ZC4H2: variants seen among roughly 807,000 people sequenced by gnomAD.
The protein encoded by ZC4H2 is zinc finger C4H2-type containing, also known as zinc finger C4H2 domain-containing protein.
For missense variants in ZC4H2, 137 were observed against 173.9 expected (o/e 0.79, Z 1.19); for synonymous variants, 84 against 66.3 (o/e 1.27, Z -1.30).
chrX:64,928,596 T>C (rs1007593724), intron 1 of ZC4H2, among the ~76,000 whole-genome samples: 1 of 110,639 alleles, frequency 9.0e-6, no homozygotes, highest in Non-Finnish European at 1.9e-5. Flanking sequence ...TATCTTCTTT[T>C]GAGAATTTCC....
chrX:64,936,997 C>T (rs1179601327), intron 1 of ZC4H2, among the ~76,000 whole-genome samples: 1 of 110,675 alleles, frequency 9.0e-6, no homozygotes, highest in African/African-American at 3.3e-5. Flanking sequence ...AGTCAAGATC[C>T]ATCAGTGTGC....
chrX:64,998,218 G>C (rs1408784458), intron 1 of ZC4H2, among the ~76,000 whole-genome samples: 4 of 111,767 alleles, frequency 3.6e-5, no homozygotes, highest in Non-Finnish European at 5.6e-5. Flanking sequence ...AAAAGGCAGA[G>C]ATTGGCAGAA....
chrX:65,000,141 T>A (rs1442871693), intron 1 of ZC4H2, among the ~76,000 whole-genome samples: 1 of 112,236 alleles, frequency 8.9e-6, no homozygotes, highest in Admixed American at 9.3e-5. Flanking sequence ...GCATGCCTCC[T>A]GATTGGGAGA....
chrX:64,922,253 A>G (rs1440616387), intron 1 of ZC4H2: 2 of 323,038 alleles, frequency 6.2e-6, no homozygotes, highest in Non-Finnish European at 9.3e-6. Flanking sequence ...TCTACAAAAA[A>G]AAAAAAGAAA....
intron 1 of ZC4H2, among the ~76,000 whole-genome samples, chrX:64,964,273 G>T (rs149732495): frequency 1.8e-5 from 2 of 111,010 alleles, no homozygotes; most frequent in Non-Finnish European, 3.8e-5. Context: ...TGAAGACCAA[G>T]AAGAAAGAGG....
At chrX:64,945,662 C>T (rs1477925674) in intron 1 of ZC4H2, among the ~76,000 whole-genome samples, 3 of 111,652 alleles carry the variant, frequency 2.7e-5, no homozygotes, top group South Asian at 3.8e-4. Context: ...ACATTTAAGT[C>T]TGCTGAAGCT....
intron 1 of ZC4H2, among the ~76,000 whole-genome samples, chrX:65,004,116 C>A (rs1340559701): frequency 5.4e-5 from 6 of 110,708 alleles, no homozygotes; most frequent in Non-Finnish European, 1.1e-4. Context: ...ACCAAAAAAG[C>A]CCAGGATGGA....
At chrX:65,010,201 T>C (rs6418383) in intron 1 of ZC4H2, among the ~76,000 whole-genome samples, 9,221 of 112,122 alleles carry the variant, frequency 0.082, 1,028 homozygotes, top group African/African-American at 0.29. Flanking sequence ...TCTGGTTCTG[T>C]TGGTCTCCAC....
intron 1 of ZC4H2, among the ~76,000 whole-genome samples, chrX:64,951,208 G>T (rs1930808625): frequency 8.9e-6 from 1 of 112,329 alleles, no homozygotes; most frequent in Admixed American, 9.4e-5. Flanking sequence ...GTCTGTCATT[G>T]TTGGACATTT....
upstream of ZC4H2, among the ~76,000 whole-genome samples, chrX:64,980,694 G>C (rs905481744): frequency 9.1e-6 from 1 of 110,419 alleles, no homozygotes; most frequent in African/African-American, 3.3e-5. Context: ...GAGAAGTTAA[G>C]TAACTTGCCC....
intron 1 of ZC4H2, among the ~76,000 whole-genome samples, chrX:64,963,235 A>G (rs1461867794): frequency 8.9e-6 from 1 of 111,861 alleles, no homozygotes; most frequent in Non-Finnish European, 1.9e-5. Flanking sequence ...TCCACATGCA[A>G]ACGTATAACA....
chrX:65,000,182 A>G (rs1306795685), intron 1 of ZC4H2, among the ~76,000 whole-genome samples: 1 of 111,784 alleles, frequency 8.9e-6, no homozygotes, highest in Non-Finnish European at 1.9e-5. Context: ...CAGACACCTC[A>G]TAAAGGAGAG....
intron 2 of ZC4H2, among the ~76,000 whole-genome samples, chrX:64,921,439 C>T (rs749243484): frequency 1.8e-5 from 2 of 112,144 alleles, no homozygotes; most frequent in East Asian, 2.8e-4. Context: ...TTTGGTCTGA[C>T]TGAAAGCTTG....
Position 64,935,887 on chromosome X carries a change from C to T in ZC4H2, c.54-13899G>A, listed in dbSNP as rs5964884. On this transcript the variant is annotated intron_variant, in intron 1 of 4. Transcript: ENST00000374839. ...TCTCCTCTAAAGGATCACAACTCCT[C>T]ATCAGCAAGGGAACAAAACCAGATG... Among the ~76,000 whole-genome samples the T allele has an allele frequency of 7.8e-3, 870 of 111,397 alleles. 6 individuals are homozygous for T. Among genetic ancestry groups the T allele is most frequent in the African/African-American group, 0.027 (837 of 30,651 alleles).
intron 1 of ZC4H2, among the ~76,000 whole-genome samples, chrX:65,032,457 C>T (rs746583533): frequency 1.8e-5 from 2 of 111,671 alleles, no homozygotes; most frequent in Non-Finnish European, 3.8e-5. Flanking sequence ...CTGTTCCATA[C>T]GGAAGGAAAG....
intron 1 of ZC4H2, among the ~76,000 whole-genome samples, chrX:64,942,722 G>A (rs1280585215): frequency 4.5e-5 from 5 of 111,704 alleles, no homozygotes; most frequent in Non-Finnish European, 7.5e-5. Context: ...TCATTATCCA[G>A]TCTATCATTG....
intron 1 of ZC4H2, among the ~76,000 whole-genome samples, chrX:64,939,906 G>A (rs899646958): frequency 5.4e-5 from 6 of 111,246 alleles, no homozygotes; most frequent in African/African-American, 2.0e-4. Context: ...CAAAAATAAT[G>A]GCACCAAAAG....
chrX:64,991,184 C>G (rs1008086036), intron 1 of ZC4H2, among the ~76,000 whole-genome samples: 2 of 111,525 alleles, frequency 1.8e-5, no homozygotes, highest in Non-Finnish European at 3.8e-5. Flanking sequence ...GCTGAAAGAT[C>G]TGAATATTCA....
At chrX:65,020,014 C>T (rs998543850) in intron 1 of ZC4H2, among the ~76,000 whole-genome samples, 2 of 111,500 alleles carry the variant, frequency 1.8e-5, no homozygotes, top group Admixed American at 9.5e-5. Context: ...ATGAACAAAG[C>T]CTCCAAGAAA....
Sources: allele counts gnomAD v4.1 joint callset (sites outside exome capture counted in the v4.1 genomes callset), GRCh38; gene constraint gnomAD v4.1.1; transcripts MANE v1.5; gene names NCBI Gene and HGNC (gene_info 2026-07-23, HGNC 2026-07-21).